Variants in ABHD17B observed in about 807,000 individuals in gnomAD.
ABHD17B encodes the protein alpha/beta hydrolase domain-containing protein 17B.
Under a neutral mutation model 26.2 loss-of-function variants are expected in ABHD17B, and 9 were observed. That is an observed-to-expected ratio of 0.34 (90% confidence interval 0.21 to 0.60). The LOEUF (loss-of-function observed/expected upper bound fraction) is 0.60. Among genes scored for constraint, ABHD17B ranks in the 20% least tolerant of loss-of-function variants. The pLI, the probability that ABHD17B is intolerant of heterozygous loss-of-function variation, is 0.80. For missense variants in ABHD17B, 224 were observed against 352.1 expected (o/e 0.64, Z 2.91); for synonymous variants, 127 against 122.3 (o/e 1.04, Z -0.25).
At chr9:71,881,471 G>GA (rs59917751) in intron 1 of ABHD17B, among the ~76,000 whole-genome samples, 1,824 of 150,296 alleles carry the variant, frequency 0.012, 31 homozygotes, top group African/African-American at 0.042. Flanking sequence ...AAGTAACAAA[G>GA]AAAAAAAAAT....
At chr9:71,862,667 T>A, downstream of ABHD17B, 1 of 789,064 alleles carries the variant, frequency 1.3e-6, no homozygotes, top group Non-Finnish European at 2.2e-6. Context: ...TGAGTTTATG[T>A]GGCTTTCCAT....
chr9:71,901,274 TTTAC>T (rs2132203965), intron 1 of ABHD17B, among the ~76,000 whole-genome samples: 1 of 152,018 alleles, frequency 6.6e-6, no homozygotes, highest in African/African-American at 2.4e-5. Context: ...ATCAAACCTC[TTTAC>T]TTCTCACTTA....
intron 1 of ABHD17B, among the ~76,000 whole-genome samples, chr9:71,902,001 C>G (rs1189166225): frequency 6.6e-6 from 1 of 152,090 alleles, no homozygotes; most frequent in Non-Finnish European, 1.5e-5. Context: ...GAGCACTGTC[C>G]GATTCATTTA....
chr9:71,905,492 C>T lies in ABHD17B; in HGVS notation c.-4+5142G>A, dbSNP rs762196743. 1.4e-4 allele frequency among the ~76,000 whole-genome samples: 21 copies of T among 152,094 alleles called. 1 individual carries two copies. Among genetic ancestry groups the T allele is most frequent in the South Asian group, 4.1e-4 (2 of 4,830 alleles). ...AATATTTTTCTACCTTCTAAAATAT[C>T]TGAAATGCAGACAAGCAGACCCTCT... On this transcript the variant is annotated intron_variant, in intron 1 of 3. Transcript: ENST00000333421.
rs1421087760 is a variant in ABHD17B, at chr9:71,911,068, A to G, written c.-438T>C. On this transcript the variant is annotated 5_prime_UTR_variant, in exon 1 of 4. Transcript: ENST00000333421. ...CCTAGCCAGGTCTTCCTTCTCTTTA[A>G]TCCTGCTTTCTTTGCTCCTCCTCAG... is the stretch of plus-strand genomic sequence containing the variant. 1 of 153,398 alleles carries G rather than the reference A, an allele frequency of 6.5e-6. No homozygotes were observed. The highest frequency in any genetic ancestry group is 2.4e-5 in the African/African-American group (1 of 41,372). 9.5% of individuals were successfully genotyped at this position (153,398 alleles called of 1,614,324 possible). A position where few individuals can be genotyped will look rare whatever the true frequency, so the allele number is the denominator to read the frequency against.
chr9:71,900,355 TTCTC>T lies in ABHD17B; in HGVS notation c.-4+10275_-4+10278del, dbSNP rs1415166131. Among the ~76,000 whole-genome samples, 10 of 152,290 alleles carry T rather than the reference TTCTC, an allele frequency of 6.6e-5. No homozygotes were observed. The East Asian group carries it at 1.2e-3, about 18-fold the overall frequency. ...TCCCGCTTAAAAACTCCTTGATGGCTTCTCTCTCTACTTGTAAAAAAATCAAGGT... is the reference window on the plus strand; with the variant it reads ...TCCCGCTTAAAAACTCCTTGATGGCTTCTCTACTTGTAAAAAAATCAAGGT... On this transcript the variant is annotated intron_variant, in intron 1 of 3. Transcript: ENST00000333421.
rs2132227602 is a variant in ABHD17B, at chr9:71,910,784, C to A, written c.-154G>T. Reference sequence around the variant, plus strand: ...GACTGGCCCGACAGAGGAGCGGGGACCAGGGCTACAGCCCCCGGCGCCGGG... The same window carrying A: ...GACTGGCCCGACAGAGGAGCGGGGAACAGGGCTACAGCCCCCGGCGCCGGG... On this transcript the variant is annotated 5_prime_UTR_variant, in exon 1 of 4. Transcript: ENST00000333421. 1 of 152,058 alleles carries A rather than the reference C, an allele frequency of 6.6e-6. No individual in the cohort carries two copies. Among genetic ancestry groups the A allele is most frequent in the African/African-American group, 2.4e-5 (1 of 41,516 alleles). 9.4% of individuals were successfully genotyped at this position (152,058 alleles called of 1,614,324 possible). A position where few individuals can be genotyped will look rare whatever the true frequency, so the allele number is the denominator to read the frequency against.
chr9:71,884,392 T>C (rs1826542768), intron 1 of ABHD17B, among the ~76,000 whole-genome samples: 1 of 152,028 alleles, frequency 6.6e-6, no homozygotes, highest in African/African-American at 2.4e-5. Flanking sequence ...ACTGGGGAAA[T>C]GAGTAAGCAT....
intron 1 of ABHD17B, among the ~76,000 whole-genome samples, chr9:71,896,731 T>C (rs1425462877): frequency 2.0e-5 from 3 of 151,816 alleles, no homozygotes; most frequent in Non-Finnish European, 2.9e-5. Flanking sequence ...CTTCAAGACA[T>C]AGGAGTGTCC....
chr9:71,880,706 ACAAC>A (rs1043217122), intron 1 of ABHD17B, among the ~76,000 whole-genome samples: 1 of 152,030 alleles, frequency 6.6e-6, no homozygotes, highest in Admixed American at 6.5e-5. Flanking sequence ...GATCGCACCC[ACAAC>A]CAAAACGACT....
intron 1 of ABHD17B, among the ~76,000 whole-genome samples, chr9:71,887,615 C>A (rs755141304): frequency 2.0e-4 from 31 of 152,212 alleles, no homozygotes; most frequent in Non-Finnish European, 4.1e-4. Context: ...ATGAATATTT[C>A]TTTCACTACA....
At chr9:71,863,169 T>TTG (rs1225500335), downstream of ABHD17B, among the ~76,000 whole-genome samples, 3 of 152,176 alleles carry the variant, frequency 2.0e-5, no homozygotes, top group East Asian at 5.8e-4. Context: ...AGGATTTGTG[T>TTG]TACTATCAAA....
At chr9:71,891,061 G>A (rs1043084176) in intron 1 of ABHD17B, among the ~76,000 whole-genome samples, 1 of 152,058 alleles carries the variant, frequency 6.6e-6, no homozygotes, top group Non-Finnish European at 1.5e-5. Context: ...AAGGTCTGGC[G>A]AAGTAAACTA....
chr9:71,894,155 G>A (rs372226512), intron 1 of ABHD17B, among the ~76,000 whole-genome samples: 10 of 145,786 alleles, frequency 6.9e-5, no homozygotes, highest in African/African-American at 2.5e-4. Context: ...AAGGATTGTT[G>A]GAGTTGTATG....
chr9:71,892,655 G>A (rs183327444), intron 1 of ABHD17B, among the ~76,000 whole-genome samples: 6 of 151,550 alleles, frequency 4.0e-5, no homozygotes, highest in African/African-American at 1.2e-4. Context: ...ATTAATTTGG[G>A]GGGGGGAAGG....
rs1345226899 is a variant in ABHD17B, at chr9:71,865,577, T to C, written c.*1210A>G. The C allele has an allele frequency of 7.1e-6, 7 of 985,114 alleles. No homozygotes were observed. The allele number at this position is 985,114 out of a possible 1,614,324, so 61.0% of individuals were successfully genotyped here. ...AATAGGTCCTATTTTTAAAAATAGC[T>C]AAAGTGGGCCAGGCGCAGTGGCTCA... On this transcript the variant is annotated 3_prime_UTR_variant, in exon 4 of 4. Transcript: ENST00000333421.
At chr9:71,908,841 C>G (rs1459566427) in intron 1 of ABHD17B, among the ~76,000 whole-genome samples, 1 of 152,140 alleles carries the variant, frequency 6.6e-6, no homozygotes, top group Non-Finnish European at 1.5e-5. Flanking sequence ...TTCTCACTCC[C>G]CTTTTTATAA....
At chr9:71,881,931 G>T (rs572055585) in intron 1 of ABHD17B, among the ~76,000 whole-genome samples, 1 of 150,950 alleles carries the variant, frequency 6.6e-6, no homozygotes, top group Admixed American at 6.6e-5. Context: ...ACAATAAAAG[G>T]ACAACCCAAT....
At chr9:71,904,797 G>A (rs149008095) in intron 1 of ABHD17B, among the ~76,000 whole-genome samples, 1 of 152,034 alleles carries the variant, frequency 6.6e-6, no homozygotes, top group African/African-American at 2.4e-5. Context: ...TTGACACAAA[G>A]GGATATTAAG....
Sources: allele counts gnomAD v4.1 joint callset (sites outside exome capture counted in the v4.1 genomes callset), GRCh38; gene constraint gnomAD v4.1.1; transcripts MANE v1.5; gene names NCBI Gene and HGNC (gene_info 2026-07-23, HGNC 2026-07-21).